The following ANAPC1 variants were observed in gnomAD, a reference collection of about 807,000 sequenced individuals.
ANAPC1 encodes anaphase-promoting complex subunit 1.
In ANAPC1, 36 loss-of-function variants were observed where a neutral mutation model predicts 208.0. The observed-to-expected ratio is 0.17, with a 90% CI of 0.13 to 0.23. The LOEUF is 0.23. Among genes scored for constraint, ANAPC1 ranks in the 10% least tolerant of loss-of-function variants. ANAPC1 has a pLI of 1.00. For missense variants in ANAPC1, 942 were observed against 2,011.6 expected (o/e 0.47, Z 10.17); for synonymous variants, 378 against 695.2 (o/e 0.54, Z 7.18).
chr2:111,829,007 G>C (rs1679985578), intron 21 of ANAPC1, among the ~76,000 whole-genome samples: 1 of 152,162 alleles, frequency 6.6e-6, no homozygotes. Flanking sequence ...CTGATGTCAG[G>C]AGTTCAAGAC....
intron 37 of ANAPC1, among the ~76,000 whole-genome samples, chr2:111,793,012 C>A (rs1677971943): frequency 6.6e-6 from 1 of 152,202 alleles, no homozygotes; most frequent in Non-Finnish European, 1.5e-5. Flanking sequence ...ATAAGTTCAA[C>A]AGAGATAATT....
intron 18 of ANAPC1, among the ~76,000 whole-genome samples, chr2:111,835,764 C>T (rs1418480210): frequency 6.6e-6 from 1 of 152,088 alleles, no homozygotes; most frequent in African/African-American, 2.4e-5. Flanking sequence ...ATGGCATGAA[C>T]CTGGGAGGCA....
chr2:111,880,644 A>G lies in ANAPC1; in HGVS notation c.182T>C (p.Leu61Pro), dbSNP rs762815507. 1.2e-6 allele frequency: 2 copies of G among 1,612,730 alleles called. No homozygotes were observed. Among genetic ancestry groups the G allele is most frequent in the South Asian group, 2.2e-5 (2 of 91,024 alleles). ...TTTCTCGTGGATTGTAACCTCCTGA[A>G]GGGATCCCACCAAGCCAGCAGCACC... ...SDGAAGLVGS[L>P]QEVTIHEKQK... The change falls in exon 2 of 48, where the codon CTT becomes CCT. Residue 61 changes from leucine to proline, a missense_variant. Physicochemically the swap from Leu to Pro is moderately conservative, Grantham distance 98. Transcript: ENST00000341068.
chr2:111,824,888 C>A, intron 24 of ANAPC1, 78 bp downstream of exon 24: 12 of 1,522,626 alleles, frequency 7.9e-6, no homozygotes, highest in Non-Finnish European at 1.0e-5. Flanking sequence ...GCCAGAGCCC[C>A]TCTCTCCTCA....
intron 19 of ANAPC1, among the ~76,000 whole-genome samples, chr2:111,833,763 C>T (rs1289720451): frequency 2.7e-5 from 4 of 148,900 alleles, no homozygotes; most frequent in Non-Finnish European, 4.5e-5. Flanking sequence ...TTGGAAATTA[C>T]TTAATTACAA....
At chr2:111,800,200 G>A (rs1328084422) in intron 34 of ANAPC1, among the ~76,000 whole-genome samples, 1 of 144,036 alleles carries the variant, frequency 6.9e-6, no homozygotes, top group Admixed American at 7.1e-5. Context: ...TGATGTGGGT[G>A]TTCATATTAA....
At chr2:111,794,773 T>G (rs577205800) in intron 35 of ANAPC1, 45 bp downstream of exon 35, 3 of 861,746 alleles carry the variant, frequency 3.5e-6, no homozygotes, top group Non-Finnish European at 5.4e-6. Flanking sequence ...AATTTAATTA[T>G]CTGATAGACG....
chr2:111,882,177 C>CT (rs1306502984), intron 1 of ANAPC1, among the ~76,000 whole-genome samples: 1 of 150,958 alleles, frequency 6.6e-6, no homozygotes, highest in Admixed American at 6.6e-5. Context: ...GAGCAAGACT[C>CT]TGTCTCAAAA....
intron 13 of ANAPC1, among the ~76,000 whole-genome samples, chr2:111,854,233 A>G (rs2104531434): frequency 6.6e-6 from 1 of 152,274 alleles, no homozygotes; most frequent in East Asian, 1.9e-4. Flanking sequence ...ATGAGCGGTA[A>G]TATTTTGAAA....
chr2:111,774,967 T>A (rs1676927909), intron 46 of ANAPC1, among the ~76,000 whole-genome samples: 1 of 151,978 alleles, frequency 6.6e-6, no homozygotes, highest in African/African-American at 2.4e-5. Context: ...AGATAAATAC[T>A]GTACAAAACA....
At chr2:111,867,690 CAAA>C (rs34739497) in intron 7 of ANAPC1, among the ~76,000 whole-genome samples, 35,110 of 141,378 alleles carry the variant, frequency 0.25, 4,367 homozygotes, top group East Asian at 0.29. Context: ...AGACCCCTCT[CAAA>C]AAAAAAAAAA....
At chr2:111,798,419 T>C (rs1678267484) in intron 34 of ANAPC1, among the ~76,000 whole-genome samples, 1 of 152,124 alleles carries the variant, frequency 6.6e-6, no homozygotes, top group Non-Finnish European at 1.5e-5. Context: ...CAGGTCCCAA[T>C]TAAAAACTTG....
intron 3 of ANAPC1, 128 bp from the exon 4 acceptor site, chr2:111,873,792 T>G: frequency 2.4e-6 from 2 of 822,120 alleles, no homozygotes; most frequent in Non-Finnish European, 3.5e-6. Context: ...ACATGTACAA[T>G]CATGGGAACA....
At chr2:111,845,929 T>C (rs1015478337) in intron 16 of ANAPC1, among the ~76,000 whole-genome samples, 70 of 142,594 alleles carry the variant, frequency 4.9e-4, no homozygotes, top group African/African-American at 1.8e-3. Flanking sequence ...GAGCCGAGTT[T>C]GCGCCACTGC....
rs774758310 is a variant in ANAPC1, at chr2:111,838,494, G to C, written c.2059C>G (p.Leu687Val). The C allele has an allele frequency of 6.2e-7, 1 of 1,606,886 alleles. No individual in the cohort carries two copies. Among genetic ancestry groups the C allele is most frequent in the Non-Finnish European group, 8.5e-7 (1 of 1,177,776 alleles). ...TTTTTGGGCGCAATGACAGGAGAAA[G>C]TGATCCTTCAAAGTCAAACTGAAAA... ...WTRNFDFEGS[L>V]SPVIAPKKAR... The change falls in exon 18 of 48, where the codon CTT (leucine) becomes GTT (valine). Residue 687 changes from leucine to valine, a missense_variant. Coordinates refer to ENST00000341068, the MANE Select transcript of ANAPC1 (RefSeq NM_022662.4).
chr2:111,854,563 T>C (rs2104532556), intron 13 of ANAPC1, among the ~76,000 whole-genome samples: 1 of 152,324 alleles, frequency 6.6e-6, no homozygotes, highest in Non-Finnish European at 1.5e-5. Context: ...TCATCCACAC[T>C]GAAAATCTGT....
At chr2:111,852,600 G>C (rs551855810) in intron 13 of ANAPC1, among the ~76,000 whole-genome samples, 1 of 152,080 alleles carries the variant, frequency 6.6e-6, no homozygotes, top group South Asian at 2.1e-4. Flanking sequence ...TTTTAATCAT[G>C]GATATTTTAT....
At chr2:111,871,842 G>A (rs1682765389) in intron 6 of ANAPC1, among the ~76,000 whole-genome samples, 1 of 152,190 alleles carries the variant, frequency 6.6e-6, no homozygotes, top group African/African-American at 2.4e-5. Flanking sequence ...CATTGATTTT[G>A]TAATCTGAGA....
chr2:111,766,307 C>G (rs2104442399), downstream of ANAPC1: 1 of 152,586 alleles, frequency 6.6e-6, no homozygotes, highest in African/African-American at 2.4e-5. Context: ...TGAGAAGCAA[C>G]CAATCTATTT....
Sources: allele counts gnomAD v4.1 joint callset (sites outside exome capture counted in the v4.1 genomes callset), GRCh38; gene constraint gnomAD v4.1.1; transcripts MANE v1.5; gene names NCBI Gene and HGNC (gene_info 2026-07-23, HGNC 2026-07-21).